KLRC2: variants seen among roughly 807,000 people sequenced by gnomAD.
KLRC2 encodes the protein killer cell lectin like receptor C2.
Under a neutral mutation model 25.5 loss-of-function variants are expected in KLRC2, and 10 were observed. That is an observed-to-expected ratio of 0.39 (90% CI 0.24 to 0.67). KLRC2 has a LOEUF of 0.67. Ranked by LOEUF, KLRC2 falls within the 30% of genes least tolerant of loss-of-function variation. The pLI is 0.45. For missense variants in KLRC2, 170 were observed against 272.8 expected (o/e 0.62, Z 2.65); for synonymous variants, 48 against 93.3 (o/e 0.51, Z 2.80).
In KLRC2 at chr12:10,431,732, A is replaced by G. The variant is rs576908490; in HGVS notation, c.584+374T>C. Reference sequence around the variant, plus strand: ...CGCACGTGACCCAGGACAGCTTTGAATGCGGCCCAACACAAATACGTAAAC... The same window carrying G: ...CGCACGTGACCCAGGACAGCTTTGAGTGCGGCCCAACACAAATACGTAAAC... On this transcript the variant is annotated intron_variant, in intron 5 of 5. Transcript: ENST00000381902. 4.3e-5 allele frequency among the ~76,000 whole-genome samples: 6 copies of G among 140,230 alleles called. 1 individual carries two copies. In the South Asian group the frequency reaches 8.9e-4, roughly 21 times the overall value. The allele number at this position is 140,230 out of a possible 152,430, so 92.0% of individuals were successfully genotyped here.
chr12:10,431,378 T>G lies in KLRC2; in HGVS notation c.585-150A>C, dbSNP rs559201279. 2.2e-4 allele frequency: 200 copies of G among 926,696 alleles called. 13 individuals carry two copies. The highest frequency in any genetic ancestry group is 3.0e-4 in the Non-Finnish European group (183 of 614,366). 57.4% of individuals were successfully genotyped at this position (926,696 alleles called of 1,614,324 possible). A position where few individuals can be genotyped will look rare whatever the true frequency, so the allele number is the denominator to read the frequency against. On this transcript the variant is annotated intron_variant, in intron 5 of 5. Transcript: ENST00000381902. ...TAGTAAGAGTCATTATTCTGAACAC[T>G]CAACAGAGTAGTCCCTCTTCATCCA...
At position 10,430,909 on chromosome 12, in the gene KLRC2, A is replaced by G; in HGVS notation, c.*208T>C. ...AACTTTTAGAAAGGCTGAAAACCAC[A>G]AATACCATGTTGAGCAAAATGAGCC... On this transcript the variant is annotated 3_prime_UTR_variant, in exon 6 of 6. Transcript: ENST00000381902. The G allele has an allele frequency of 9.2e-6, 10 of 1,089,490 alleles. 1 individual carries two copies. Among genetic ancestry groups the G allele is most frequent in the Non-Finnish European group, 1.2e-5 (10 of 839,722 alleles). 67.5% of individuals were successfully genotyped at this position (1,089,490 alleles called of 1,614,324 possible).
intron 1 of KLRC2, among the ~76,000 whole-genome samples, 188 bp downstream of exon 1, chr12:10,435,612 T>TA (rs1565507860): frequency 7.0e-6 from 1 of 141,918 alleles, no homozygotes; most frequent in African/African-American, 2.7e-5. Flanking sequence ...GTTCCATGAG[T>TA]GGACCGCAGA....
chr12:10,434,721 A>AG (rs1863852184), intron 2 of KLRC2, among the ~76,000 whole-genome samples, 191 bp from the exon 3 acceptor site: 1 of 524 alleles, frequency 1.9e-3, no homozygotes, highest in South Asian at 0.12. Context: ...ACTTTAGCAC[A>AG]AACTTCACCA....
chr12:10,434,361 A>C, intron 3 of KLRC2, 125 bp downstream of exon 3: 2 of 726,306 alleles, frequency 2.8e-6, no homozygotes, highest in Non-Finnish European at 4.8e-6. Context: ...ATCTTTCTTT[A>C]TAAATATTTA....
intron 5 of KLRC2, 98 bp from the exon 6 acceptor site, chr12:10,431,326 A>G (rs749250155): frequency 1.4e-6 from 2 of 1,405,960 alleles, no homozygotes; most frequent in South Asian, 2.3e-5. Flanking sequence ...ATTTCATGGA[A>G]AAGGGTAATT....
chr12:10,435,588 T>C (rs1408153432), intron 1 of KLRC2, among the ~76,000 whole-genome samples, 178 bp from the exon 2 acceptor site: 1 of 143,912 alleles, frequency 6.9e-6, no homozygotes, highest in East Asian at 2.1e-4. Flanking sequence ...CATTTCATTT[T>C]CAGTAAATAT....
intron 1 of KLRC2, among the ~76,000 whole-genome samples, 161 bp downstream of exon 1, chr12:10,435,639 C>A (rs1565507866): frequency 7.1e-6 from 1 of 141,546 alleles, no homozygotes; most frequent in Non-Finnish European, 1.5e-5. Context: ...TTGAACAATG[C>A]CCGAATAAAA....
chr12:10,435,654 T>G, intron 1 of KLRC2, 146 bp downstream of exon 1: 1 of 1,037,622 alleles, frequency 9.6e-7, no homozygotes, highest in Non-Finnish European at 1.4e-6. Flanking sequence ...ATAAAATTAG[T>G]CTTCTGATTT....
chr12:10,431,607 T>A (rs1340146321), intron 5 of KLRC2, among the ~76,000 whole-genome samples: 1 of 142,060 alleles, frequency 7.0e-6, no homozygotes, highest in African/African-American at 2.7e-5. Flanking sequence ...GCTTTGAGGA[T>A]ATTCTTAAGT....
chr12:10,431,387 T>C, intron 5 of KLRC2, 159 bp from the exon 6 acceptor site: 1 of 863,790 alleles, frequency 1.2e-6, no homozygotes, highest in African/African-American at 1.9e-5. Flanking sequence ...CTCAACAGAG[T>C]AGTCCCTCTT....
rs1477877384 is a variant in KLRC2, at chr12:10,431,903, T to TA, written c.584+202dup. Among the ~76,000 whole-genome samples, 13 of 141,222 alleles carry TA rather than the reference T, an allele frequency of 9.2e-5. 4 individuals are homozygous for TA. Among genetic ancestry groups the TA allele is most frequent in the African/African-American group, 3.5e-4 (13 of 36,812 alleles). 92.6% of individuals were successfully genotyped at this position (141,222 alleles called of 152,430 possible). A position where few individuals can be genotyped will look rare whatever the true frequency, so the allele number is the denominator to read the frequency against. ...GATGGGACACCCCTGGTCCATCTGA[T>TA]AACCAAGAAGGTTACTAGCAGACCA... On this transcript the variant is annotated intron_variant, in intron 5 of 5. Coordinates refer to ENST00000381902, the MANE Select transcript of KLRC2 (RefSeq NM_002260.4).
At position 10,431,004 on chromosome 12, in the gene KLRC2, T is replaced by C; in HGVS notation, c.*113A>G. 1 of 1,161,418 alleles carries C rather than the reference T, an allele frequency of 8.6e-7. No homozygotes were observed. The allele number at this position is 1,161,418 out of a possible 1,614,324, so 71.9% of individuals were successfully genotyped here. On this transcript the variant is annotated 3_prime_UTR_variant, in exon 6 of 6. Transcript: ENST00000381902. ...CCTATTTCAATAATTGATTTAGAAT[T>C]TTTGTATCAGAGCAAATAACATAAT...
At chr12:10,434,230 A>G (rs1438779999) in intron 3 of KLRC2, 2 of 599,958 alleles carry the variant, frequency 3.3e-6, no homozygotes, top group South Asian at 3.1e-5. Flanking sequence ...TAGAATAGTA[A>G]AATTATTTAT....
chr12:10,435,547 C>G (rs972849238), intron 1 of KLRC2, 137 bp from the exon 2 acceptor site: 2 of 1,391,828 alleles, frequency 1.4e-6, no homozygotes, highest in Non-Finnish European at 2.0e-6. Flanking sequence ...AAATCTACAT[C>G]TACTCTAGTA....
rs974135193 is a variant in KLRC2 at position 10,431,117 on chromosome 12, C to T, written c.696G>A (p.Ter232=). The stretch of plus-strand genomic sequence containing the variant: ...CACTGCAAACGCAAATGCTTTACTT[C>T]TAAAGCTTATGCTTACAATGATATA... ...SMIYHCKHKL[*] is the part of the protein sequence containing the mutation. The change falls in exon 6 of 6, where the codon TAG becomes TAA. Residue 232 remains the stop codon, a stop_retained_variant. Coordinates refer to ENST00000381902, the MANE Select transcript of KLRC2 (RefSeq NM_002260.4). 1 of 1,504,828 alleles carries T rather than the reference C, an allele frequency of 6.6e-7. No individual in the cohort carries two copies. Among genetic ancestry groups the T allele is most frequent in the Non-Finnish European group, 9.1e-7 (1 of 1,096,994 alleles). The allele number at this position is 1,504,828 out of a possible 1,614,324, so 93.2% of individuals were successfully genotyped here.
intron 3 of KLRC2, chr12:10,434,161 A>C (rs1863844481): frequency 1.3e-6 from 1 of 796,080 alleles, no homozygotes; most frequent in Non-Finnish European, 2.0e-6. Flanking sequence ...AAAGCAAATG[A>C]ACAAACAAAA....
intron 2 of KLRC2, 136 bp from the exon 3 acceptor site, chr12:10,434,666 A>G (rs1208683084): frequency 2.0e-5 from 11 of 544,404 alleles, no homozygotes; most frequent in Middle Eastern, 1.1e-3. Flanking sequence ...CTTTTTCTAT[A>G]AAAATATATA....
Position 10,432,137 on chromosome 12 carries a change from C to T in KLRC2, c.553G>A (p.Val185Met), listed in dbSNP as rs747292892. The change falls in exon 5 of 6, where the codon GTG becomes ATG. Residue 185 changes from valine (V) to methionine (M), a missense_variant. Physicochemically the swap from Val to Met is conservative, Grantham distance 21. This residue lies in a region of KLRC2 where 129 missense variants were observed against 150.2 expected (regional missense o/e 0.86). Transcript: ENST00000381902. Reference sequence around the variant, plus strand: ...TTGAAAGCCAAACCATTTATTGTCACCCATGGATGATGACTGCTGTTACGA... The same window carrying T: ...TTGAAAGCCAAACCATTTATTGTCATCCATGGATGATGACTGCTGTTACGA... ...VFRNSSHHPW[V>M]TINGLAFKHK... The T allele has an allele frequency of 1.3e-6, 2 of 1,531,450 alleles. No homozygotes were observed. Among genetic ancestry groups the T allele is most frequent in the Admixed American group, 3.5e-5 (2 of 57,770 alleles). 94.9% of individuals were successfully genotyped at this position (1,531,450 alleles called of 1,614,324 possible).
Sources: gnomAD v4.1 joint callset for allele counts (sites outside exome capture counted in the v4.1 genomes callset) on GRCh38, gnomAD v4.1.1 for gene constraint, gnomAD v4.1.1 regional missense constraint, MANE v1.5 for transcripts, NCBI Gene and HGNC (gene_info 2026-07-23, HGNC 2026-07-21) for gene names.